Variants in MBNL1 observed in about 807,000 individuals in gnomAD.
The protein encoded by MBNL1 is muscleblind like splicing regulator 1, also known as muscleblind-like protein 1.
MBNL1 carries 8 observed loss-of-function variants against 42.2 expected under a neutral mutation model. The observed-to-expected ratio is 0.19, with a 90% CI of 0.11 to 0.34. The LOEUF (loss-of-function observed/expected upper bound fraction) is 0.34, where lower values mean the gene tolerates loss of function less well. Ranked by LOEUF, MBNL1 falls within the 10% of genes least tolerant of loss-of-function variation. MBNL1 has a pLI of 1.00. For missense variants in MBNL1, 309 were observed against 495.3 expected (o/e 0.62, Z 3.57); for synonymous variants, 169 against 173.9 (o/e 0.97, Z 0.22).
chr3:152,411,446 G>A (rs1335797709), intron 2 of MBNL1, among the ~76,000 whole-genome samples: 1 of 152,208 alleles, frequency 6.6e-6, no homozygotes, highest in Non-Finnish European at 1.5e-5. Flanking sequence ...TGTGAACCCA[G>A]GAGGCGGAGC....
At position 152,299,938 on chromosome 3, in the gene MBNL1, C is replaced by A. The variant is rs1249125089; in HGVS notation, c.-256C>A. The A allele has an allele frequency of 4.3e-6, 2 of 461,178 alleles. No individual in the cohort carries two copies. Among genetic ancestry groups the A allele is most frequent in the African/African-American group, 2.0e-5 (1 of 49,508 alleles). 28.6% of individuals were successfully genotyped at this position (461,178 alleles called of 1,614,324 possible). Reference sequence around the variant, plus strand: ...CTACTTTTAAACGTTCATCTACTTACAATCCTAGTATTTCTCTAAAAACCA... The same window carrying A: ...CTACTTTTAAACGTTCATCTACTTAAAATCCTAGTATTTCTCTAAAAACCA... On this transcript the variant is annotated 5_prime_UTR_variant, in exon 2 of 10. It introduces an in-frame stop codon into an upstream open reading frame of the 5' UTR. Coordinates refer to ENST00000324210, the MANE Select transcript of MBNL1 (RefSeq NM_021038.5).
chr3:152,248,285 T>C (rs2033634548), intron 2 of MBNL1, among the ~76,000 whole-genome samples: 1 of 152,036 alleles, frequency 6.6e-6, no homozygotes, highest in Admixed American at 6.6e-5. Context: ...AATACAATCA[T>C]ATATCTGATG....
At chr3:152,408,652 T>A (rs1295921713) in intron 2 of MBNL1, among the ~76,000 whole-genome samples, 1 of 151,408 alleles carries the variant, frequency 6.6e-6, no homozygotes, top group Non-Finnish European at 1.5e-5. Flanking sequence ...TAGATACTGG[T>A]ATAACTGGTA....
chr3:152,455,700 T>A, intron 7 of MBNL1, 123 bp downstream of exon 7: 4 of 815,318 alleles, frequency 4.9e-6, no homozygotes, highest in Non-Finnish European at 8.2e-6. Flanking sequence ...TACTAACACT[T>A]GTCAATTAAA....
At chr3:152,254,133 A>G (rs2035096308) in intron 2 of MBNL1, among the ~76,000 whole-genome samples, 1 of 152,042 alleles carries the variant, frequency 6.6e-6, no homozygotes. Flanking sequence ...ATCTTCCAAC[A>G]CTGTCTTCAA....
chr3:152,306,174 A>C (rs1221300640), intron 2 of MBNL1, among the ~76,000 whole-genome samples: 1 of 152,194 alleles, frequency 6.6e-6, no homozygotes, highest in African/African-American at 2.4e-5. Context: ...CCGATCTTAA[A>C]TATGTCTTTC....
chr3:152,269,708 C>T, intron 1 of MBNL1: 1 of 238,426 alleles, frequency 4.2e-6, no homozygotes, highest in Non-Finnish European at 8.5e-6. Context: ...GAGAGGGCTG[C>T]CTCCTCCTTT....
At chr3:152,352,788 A>G (rs1245291266) in intron 2 of MBNL1, among the ~76,000 whole-genome samples, 2 of 152,182 alleles carry the variant, frequency 1.3e-5, no homozygotes, top group Admixed American at 6.5e-5. Context: ...GCAGAGACAC[A>G]TCATTTGCCC....
At chr3:152,407,209 C>CTTTTTTTTTTTTTTTTT (rs60509782) in intron 2 of MBNL1, among the ~76,000 whole-genome samples, 7 of 54,378 alleles carry the variant, frequency 1.3e-4, no homozygotes, top group South Asian at 5.1e-4. Context: ...GAAATATGTT[C>CTTTTTTTTTTTTTTTTT]TTTTTTTTTT....
At chr3:152,344,405 A>C (rs749126793) in intron 2 of MBNL1, among the ~76,000 whole-genome samples, 12 of 152,170 alleles carry the variant, frequency 7.9e-5, no homozygotes, top group Admixed American at 4.6e-4. Flanking sequence ...AGGTAGTCCT[A>C]ACAGGTATTG....
chr3:152,437,127 T>C (rs1250335894), intron 4 of MBNL1, among the ~76,000 whole-genome samples: 1 of 152,230 alleles, frequency 6.6e-6, no homozygotes, highest in Non-Finnish European at 1.5e-5. Flanking sequence ...GTTTGGTCAT[T>C]TGGCATTTAA....
At position 152,254,109 on chromosome 3, in the gene MBNL1, T is replaced by A. The variant is rs530641045; in HGVS notation, n.333+9669T>A. 7.9e-5 allele frequency among the ~76,000 whole-genome samples: 12 copies of A among 152,238 alleles called. No individual in the cohort carries two copies. In the East Asian group the frequency reaches 2.3e-3, roughly 29 times the overall value. On this transcript the variant is annotated intron_variant and non_coding_transcript_variant, in intron 2 of 2. Transcript: ENST00000477171. ...AAGGTCTCAACATTTCTGATAAGCATAATAGAAATAACTATCTTCCAACAC... is the reference window on the plus strand; with the variant it reads ...AAGGTCTCAACATTTCTGATAAGCAAAATAGAAATAACTATCTTCCAACAC...
rs760116131 is a variant in MBNL1, at chr3:152,300,210, C to T, written c.17C>T (p.Thr6Ile). The change falls in exon 2 of 10, where the codon ACA becomes ATA. Residue 6 changes from threonine to isoleucine, a missense_variant. Transcript: ENST00000324210. ...AATCTAAACATGGCTGTTAGTGTCACACCAATTCGGGACACAAAATGGCTA... is the reference window on the plus strand; with the variant it reads ...AATCTAAACATGGCTGTTAGTGTCATACCAATTCGGGACACAAAATGGCTA... MAVSV[T>I]PIRDTKWLTL... 6.2e-7 allele frequency: 1 copy of T among 1,605,524 alleles called. No homozygotes were observed. The highest frequency in any genetic ancestry group is 8.5e-7 in the Non-Finnish European group (1 of 1,175,302).
chr3:152,438,171 A>T (rs148672756), intron 4 of MBNL1, among the ~76,000 whole-genome samples: 7 of 152,304 alleles, frequency 4.6e-5, no homozygotes, highest in African/African-American at 1.7e-4. Flanking sequence ...GAATTCATGA[A>T]TGCATTCATT....
At chr3:152,293,209 TG>T (rs1475739948) in intron 1 of MBNL1, among the ~76,000 whole-genome samples, 2 of 152,254 alleles carry the variant, frequency 1.3e-5, no homozygotes, top group African/African-American at 2.4e-5. Flanking sequence ...CCATGGGTAC[TG>T]CTGGTAGTGT....
chr3:152,447,021 G>T (rs1052117485), intron 5 of MBNL1, among the ~76,000 whole-genome samples: 1 of 152,128 alleles, frequency 6.6e-6, no homozygotes, highest in African/African-American at 2.4e-5. Context: ...TGAAGAAATA[G>T]TCGGAGGACA....
At chr3:152,347,786 C>CTTATTACAAAA (rs2094472857) in intron 2 of MBNL1, among the ~76,000 whole-genome samples, 1 of 152,074 alleles carries the variant, frequency 6.6e-6, no homozygotes, top group African/African-American at 2.4e-5. Flanking sequence ...ATGCACAGCA[C>CTTATTACAAAA]AGTACTTTTT....
chr3:152,459,262 A>G lies in MBNL1; in HGVS notation c.1093-9A>G. Reference sequence around the variant, plus strand: ...TGGATCATTCATTAAATAATTTTTTATTTGCTAGATACCCATAATATCTGC... The same window carrying G: ...TGGATCATTCATTAAATAATTTTTTGTTTGCTAGATACCCATAATATCTGC... On this transcript the variant is annotated splice_polypyrimidine_tract_variant and intron_variant, in intron 8 of 9. Coordinates refer to ENST00000324210, the MANE Select transcript of MBNL1 (RefSeq NM_021038.5). 3 of 1,531,694 alleles carry G rather than the reference A, an allele frequency of 2.0e-6. No homozygotes were observed. Among genetic ancestry groups the G allele is most frequent in the East Asian group, 2.3e-5 (1 of 43,072 alleles). 94.9% of individuals were successfully genotyped at this position (1,531,694 alleles called of 1,614,324 possible).
chr3:152,252,253 T>C (rs2034738188), intron 2 of MBNL1, among the ~76,000 whole-genome samples: 1 of 148,258 alleles, frequency 6.7e-6, no homozygotes, highest in Non-Finnish European at 1.5e-5. Flanking sequence ...CTTCCCTTCC[T>C]CCTTCCCTTT....
Sources: allele counts gnomAD v4.1 joint callset (sites outside exome capture counted in the v4.1 genomes callset), GRCh38; gene constraint gnomAD v4.1.1; transcripts MANE v1.5; gene names NCBI Gene and HGNC (gene_info 2026-07-23, HGNC 2026-07-21).